Variants in KATNIP observed in about 807,000 individuals in gnomAD.
KATNIP encodes katanin interacting protein, also known as katanin-interacting protein.
A neutral mutation model predicts 174.0 loss-of-function variants in KATNIP; 126 were observed. The ratio of observed to expected loss-of-function variants is 0.72; its 90% CI spans 0.63 to 0.84. The LOEUF (loss-of-function observed/expected upper bound fraction) is 0.84, where lower values mean the gene tolerates loss of function less well. KATNIP is among the 40% of genes least tolerant of loss of function. The pLI, the probability that KATNIP is intolerant of heterozygous loss-of-function variation, is 0.00. For synonymous variants in KATNIP, 810 were observed against 835.7 expected, an observed-to-expected ratio of 0.97 and a Z score of 0.53; for missense variants, 1,958 against 2,109.7, an observed-to-expected ratio of 0.93 and a Z score of 1.41.
chr16:27,712,273 T>TC (rs943402933), intron 13 of KATNIP, among the ~76,000 whole-genome samples: 1 of 152,112 alleles, frequency 6.6e-6, no homozygotes, highest in African/African-American at 2.4e-5. Context: ...AAGGCTGGAT[T>TC]CCCCCTTCTT....
In KATNIP at chr16:27,761,580, G is replaced by A. The variant is rs4787984; in HGVS notation, c.3799G>A (p.Ala1267Thr). ...CCCCGAGTACTCTGACGACTCCCGG[G>A]CCCTGGACAAGTAAGTGTCTATCAG... ...ELPEYSDDSR[A>T]LDKLIDGTNI... Residue 1267 changes from alanine to threonine, a missense_variant, in exon 19 of 28, where the codon GCC becomes ACC. Ala to Thr is a moderately conservative substitution (Grantham distance 58). Coordinates refer to ENST00000261588, the MANE Select transcript of KATNIP (RefSeq NM_015202.5). 1 allele frequency: 1,612,755 copies of A among 1,613,744 alleles called. 805,884 individuals carry two copies. Among genetic ancestry groups the A allele is most frequent in the Middle Eastern group, 1 (6,062 of 6,062 alleles).
chr16:27,627,137 C>G (rs547430036), intron 3 of KATNIP, among the ~76,000 whole-genome samples: 3 of 152,214 alleles, frequency 2.0e-5, no homozygotes, highest in Non-Finnish European at 2.9e-5. Flanking sequence ...CTTGCAGACA[C>G]GTGCAGAGAG....
chr16:27,592,713 C>T (rs769974437), intron 2 of KATNIP, among the ~76,000 whole-genome samples: 1 of 152,084 alleles, frequency 6.6e-6, no homozygotes, highest in African/African-American at 2.4e-5. Flanking sequence ...GGCACCATCA[C>T]GCCCGGCTAA....
intron 14 of KATNIP, among the ~76,000 whole-genome samples, chr16:27,724,360 A>G (rs993287365): frequency 1.3e-5 from 2 of 152,200 alleles, no homozygotes; most frequent in Admixed American, 6.5e-5. Flanking sequence ...CATTGAATAT[A>G]TATCTCAGGG....
intron 1 of KATNIP, among the ~76,000 whole-genome samples, chr16:27,557,297 A>G (rs2089670225): frequency 6.6e-6 from 1 of 151,918 alleles, no homozygotes; most frequent in Non-Finnish European, 1.5e-5. Context: ...ACATGCCACC[A>G]CGCCCAACTA....
At chr16:27,710,710 C>G (rs1365663290) in intron 13 of KATNIP, among the ~76,000 whole-genome samples, 1 of 152,076 alleles carries the variant, frequency 6.6e-6, no homozygotes, top group Non-Finnish European at 1.5e-5. Flanking sequence ...CACTATGTTA[C>G]CTGGGATGGT....
At chr16:27,655,537 G>A (rs948387978) in intron 6 of KATNIP, among the ~76,000 whole-genome samples, 73 of 151,866 alleles carry the variant, frequency 4.8e-4, no homozygotes, top group African/African-American at 1.5e-3. Flanking sequence ...GGCATGAGCC[G>A]CTGCGCCTGG....
Position 27,749,769 on chromosome 16 carries a change from G to A in KATNIP, c.2809G>A (p.Asp937Asn), listed in dbSNP as rs139603388. ...LLQQKSSRHS[D>N]LPPSKKGEQP... Reference sequence around the variant, plus strand: ...GCAGCAAAAGAGCAGCCGGCACAGCGACTTGCCCCCCTCCAAGAAGGGGGA... The same window carrying A: ...GCAGCAAAAGAGCAGCCGGCACAGCAACTTGCCCCCCTCCAAGAAGGGGGA... Residue 937 changes from aspartate to asparagine, a missense_variant, in exon 16 of 28, where the codon GAC becomes AAC. Physicochemically the swap from Asp to Asn is conservative, Grantham distance 23. Coordinates refer to ENST00000261588, the MANE Select transcript of KATNIP (RefSeq NM_015202.5). 6.2e-5 allele frequency: 100 copies of A among 1,610,312 alleles called. No individual in the cohort carries two copies. The highest frequency in any genetic ancestry group is 2.0e-4 in the East Asian group (9 of 44,818).
At chr16:27,687,919 A>C (rs1485178994) in intron 8 of KATNIP, among the ~76,000 whole-genome samples, 3 of 152,206 alleles carry the variant, frequency 2.0e-5, no homozygotes, top group Non-Finnish European at 4.4e-5. Context: ...GCGTTCATTA[A>C]CAGTAAGTGA....
intron 6 of KATNIP, among the ~76,000 whole-genome samples, chr16:27,672,481 G>C (rs1450907137): frequency 6.6e-6 from 1 of 152,202 alleles, no homozygotes; most frequent in Non-Finnish European, 1.5e-5. Flanking sequence ...CACACTGTAT[G>C]CTCCTATAAG....
In KATNIP at chr16:27,779,935, T is replaced by A. The variant is rs191638601; in HGVS notation, c.*1306T>A. ...GCTTAGCAGCCTGGGCTCGAGCAGC[T>A]ATGCAAACGCGCTTTTCATTTGGAG... On this transcript the variant is annotated 3_prime_UTR_variant, in exon 28 of 28. Transcript: ENST00000261588. 3.3e-5 allele frequency: 5 copies of A among 152,306 alleles called. No individual in the cohort carries two copies. Among genetic ancestry groups the A allele is most frequent in the Non-Finnish European group, 7.3e-5 (5 of 68,038 alleles). The allele number at this position is 152,306 out of a possible 1,614,324, so 9.4% of individuals were successfully genotyped here. A position where few individuals can be genotyped will look rare whatever the true frequency, so the allele number is the denominator to read the frequency against.
chr16:27,772,538 C>T (rs1304217694), intron 22 of KATNIP, among the ~76,000 whole-genome samples: 1 of 152,240 alleles, frequency 6.6e-6, no homozygotes, highest in Non-Finnish European at 1.5e-5. Flanking sequence ...CAGCTCTGCA[C>T]GTGGGACTTC....
chr16:27,713,717 A>G lies in KATNIP; in HGVS notation c.1605+4797A>G, dbSNP rs12919275. Among the ~76,000 whole-genome samples the G allele has an allele frequency of 1.1e-3, 125 of 111,986 alleles. 1 individual carries two copies. The highest frequency in any genetic ancestry group is 3.2e-3 in the African/African-American group (84 of 26,566). 73.5% of individuals were successfully genotyped at this position (111,986 alleles called of 152,430 possible). ...ATATATACACATACATATTATATAT[A>G]TGTGTGTGTATTATATACACATACA... is the stretch of plus-strand genomic sequence containing the variant. On this transcript the variant is annotated intron_variant, in intron 13 of 27. Transcript: ENST00000261588.
At chr16:27,593,239 CTT>C (rs1277615598) in intron 2 of KATNIP, among the ~76,000 whole-genome samples, 7 of 90,546 alleles carry the variant, frequency 7.7e-5, no homozygotes, top group Admixed American at 3.1e-4. Flanking sequence ...ACCCCCCACC[CTT>C]TTTTTTTTTT....
Position 27,698,366 on chromosome 16 carries a change from C to G in KATNIP, c.979C>G (p.Arg327Gly). 6.2e-7 allele frequency: 1 copy of G among 1,612,636 alleles called. No individual in the cohort carries two copies. The highest frequency in any genetic ancestry group is 8.5e-7 in the Non-Finnish European group (1 of 1,179,356). ...GCGAGAGAGACCCCTGTCTGCAACC[C>G]GCAAAACTCTTTGCGAGGCTGAGTA... ...SRRERPLSAT[R>G]KTLCEAEYPE... The change falls in exon 9 of 28, where the codon CGC becomes GGC. Residue 327 changes from arginine (R) to glycine (G), a missense_variant. Physicochemically the swap from Arg to Gly is moderately radical, Grantham distance 125. Coordinates refer to ENST00000261588, the MANE Select transcript of KATNIP (RefSeq NM_015202.5).
intron 13 of KATNIP, 132 bp downstream of exon 13, chr16:27,709,052 C>G: frequency 1.5e-6 from 1 of 674,774 alleles, no homozygotes; most frequent in Non-Finnish European, 2.5e-6. Flanking sequence ...GGTACAGAGG[C>G]TCACACCTGT....
intron 16 of KATNIP, among the ~76,000 whole-genome samples, 199 bp downstream of exon 16, chr16:27,750,505 C>T (rs1178333054): frequency 1.3e-5 from 2 of 150,882 alleles, no homozygotes; most frequent in African/African-American, 2.4e-5. Context: ...CTGCAAGATC[C>T]GCCTCCCGGG....
intron 2 of KATNIP, among the ~76,000 whole-genome samples, chr16:27,591,705 G>A (rs74437863): frequency 3.9e-5 from 6 of 152,076 alleles, no homozygotes; most frequent in African/African-American, 7.2e-5. Context: ...ATATGTTAGC[G>A]CCCTTCATCT....
chr16:27,760,154 G>T (rs1341592356), intron 18 of KATNIP, among the ~76,000 whole-genome samples: 1 of 152,204 alleles, frequency 6.6e-6, no homozygotes, highest in African/African-American at 2.4e-5. Flanking sequence ...TGAGCTGCAA[G>T]GGGGTGGTGC....
Sources: gnomAD v4.1 joint callset for allele counts (sites outside exome capture counted in the v4.1 genomes callset) on GRCh38, gnomAD v4.1.1 for gene constraint, MANE v1.5 for transcripts, NCBI Gene and HGNC (gene_info 2026-07-23, HGNC 2026-07-21) for gene names.